EML4: variants seen among roughly 807,000 people sequenced by gnomAD.
EML4 encodes the protein echinoderm microtubule-associated protein-like 4.
A neutral mutation model predicts 129.0 loss-of-function variants in EML4; 72 were observed. That is an observed-to-expected ratio of 0.56 (90% CI 0.46 to 0.68). EML4 has a LOEUF of 0.68. EML4 is among the 30% of genes least tolerant of loss of function. EML4 has a pLI of 0.00. For synonymous variants in EML4, 532 were observed against 405.0 expected (o/e 1.31, Z -3.77); for missense variants, 1,363 against 1,190.6 (o/e 1.14, Z -2.13).
intron 21 of EML4, among the ~76,000 whole-genome samples, chr2:42,327,068 G>A (rs1669849212): frequency 6.6e-6 from 1 of 151,940 alleles, no homozygotes; most frequent in African/African-American, 2.4e-5. Flanking sequence ...TGCCTTTTCT[G>A]TATAGTTTAT....
At chr2:42,288,438 T>C (rs1318605130) in intron 11 of EML4, 116 bp downstream of exon 11, 11 of 478,688 alleles carry the variant, frequency 2.3e-5, no homozygotes, top group Non-Finnish European at 3.7e-5. Flanking sequence ...GCAGATCTAC[T>C]AGCCAAATTC....
At chr2:42,267,478 G>A (rs1431597940) in intron 6 of EML4, among the ~76,000 whole-genome samples, 1 of 152,262 alleles carries the variant, frequency 6.6e-6, no homozygotes, top group African/African-American at 2.4e-5. Flanking sequence ...AATGATAGCT[G>A]TGGCTTGTTC....
At chr2:42,310,596 T>G (rs1668885528) in intron 17 of EML4, among the ~76,000 whole-genome samples, 1 of 152,332 alleles carries the variant, frequency 6.6e-6, no homozygotes, top group Admixed American at 6.5e-5. Flanking sequence ...TCTGCTTGTC[T>G]CAGCCTCCCA....
intron 9 of EML4, among the ~76,000 whole-genome samples, chr2:42,285,334 A>C (rs1667231835): frequency 6.6e-6 from 1 of 152,154 alleles, no homozygotes; most frequent in East Asian, 1.9e-4. Context: ...GTGACTATTA[A>C]TGGTGACTGA....
chr2:42,241,963 A>AT (rs1297022029), intron 1 of EML4, among the ~76,000 whole-genome samples: 1 of 152,156 alleles, frequency 6.6e-6, no homozygotes, highest in East Asian at 1.9e-4. Flanking sequence ...CCTTTGAAAA[A>AT]TTGTTCTTGT....
rs1048366258 is a variant in EML4 at position 42,286,497 on chromosome 2, C to A, written c.1122+118C>A. Reference sequence around the variant, plus strand: ...TAATCCTGAGTTGAAAAATGAGATGCTAGCTATTGCTAACATATTAGCTAT... The same window carrying A: ...TAATCCTGAGTTGAAAAATGAGATGATAGCTATTGCTAACATATTAGCTAT... On this transcript the variant is annotated intron_variant, in intron 10 of 22. Coordinates refer to ENST00000318522, the MANE Select transcript of EML4 (RefSeq NM_019063.5). 7.5e-6 allele frequency: 5 copies of A among 666,326 alleles called. No homozygotes were observed. The South Asian group carries it at 8.6e-5, about 11-fold the overall frequency. The allele number at this position is 666,326 out of a possible 1,614,324, so 41.3% of individuals were successfully genotyped here.
At position 42,328,874 on chromosome 2, in the gene EML4, TC is replaced by T; in HGVS notation, c.2342-10del. On this transcript the variant is annotated splice_polypyrimidine_tract_variant and intron_variant, in intron 21 of 22. Transcript: ENST00000318522. ...GCTAATTTTTCTGCATCCCTGTGTTTCCATATCAAAGGTGTCTGGCCAGAAG... is the reference window on the plus strand; with the variant it reads ...GCTAATTTTTCTGCATCCCTGTGTTTCATATCAAAGGTGTCTGGCCAGAAG... The T allele has an allele frequency of 6.3e-7, 1 of 1,580,800 alleles. No individual in the cohort carries two copies. Among genetic ancestry groups the T allele is most frequent in the Non-Finnish European group, 8.6e-7 (1 of 1,161,464 alleles).
chr2:42,220,689 AG>A (rs1558513481), intron 1 of EML4, among the ~76,000 whole-genome samples: 1 of 152,204 alleles, frequency 6.6e-6, no homozygotes. Flanking sequence ...GATGAAGCTT[AG>A]ATGAAGAAGG....
At chr2:42,306,484 CTTTTTTT>C (rs375707062) in intron 17 of EML4, among the ~76,000 whole-genome samples, 16,259 of 74,044 alleles carry the variant, frequency 0.22, 1,359 homozygotes, top group African/African-American at 0.36. Flanking sequence ...GTGCTAAATC[CTTTTTTT>C]TTTTTTTTTT....
chr2:42,293,182 C>T (rs1030761548), intron 11 of EML4, among the ~76,000 whole-genome samples: 1 of 151,844 alleles, frequency 6.6e-6, no homozygotes, highest in Non-Finnish European at 1.5e-5. Flanking sequence ...AATCACAGCT[C>T]ACTGCAACCT....
chr2:42,222,849 A>G (rs2104122460), intron 1 of EML4, among the ~76,000 whole-genome samples: 1 of 152,116 alleles, frequency 6.6e-6, no homozygotes, highest in East Asian at 1.9e-4. Context: ...CCTAGGCTGG[A>G]GTGCAATGGT....
chr2:42,222,295 G>A (rs947584184), intron 1 of EML4, among the ~76,000 whole-genome samples: 3 of 151,806 alleles, frequency 2.0e-5, no homozygotes, highest in Non-Finnish European at 2.9e-5. Context: ...TTTCCATATC[G>A]GGTTGACAAA....
intron 2 of EML4, among the ~76,000 whole-genome samples, chr2:42,252,588 G>C (rs564745149): frequency 6.6e-6 from 1 of 152,082 alleles, no homozygotes; most frequent in African/African-American, 2.4e-5. Context: ...TCCTCTCTGT[G>C]AACTATCCCC....
intron 1 of EML4, among the ~76,000 whole-genome samples, chr2:42,181,982 A>G (rs1670971065): frequency 6.6e-6 from 1 of 152,168 alleles, no homozygotes; most frequent in Admixed American, 6.5e-5. Flanking sequence ...CTATATTTTT[A>G]CAACAGCGTA....
At chr2:42,297,822 A>G (rs886777155) in intron 13 of EML4, among the ~76,000 whole-genome samples, 4 of 152,178 alleles carry the variant, frequency 2.6e-5, no homozygotes, top group South Asian at 4.1e-4. Flanking sequence ...TAATTTCACA[A>G]CTAATCCTTT....
chr2:42,219,419 A>G (rs1299925996), intron 1 of EML4, among the ~76,000 whole-genome samples: 4 of 152,192 alleles, frequency 2.6e-5, no homozygotes, highest in Admixed American at 2.6e-4. Context: ...ACCCTCCTGC[A>G]TGTCTGAGGG....
intron 1 of EML4, among the ~76,000 whole-genome samples, chr2:42,205,589 TAAATG>T (rs546461581): frequency 6.6e-6 from 1 of 152,296 alleles, no homozygotes; most frequent in East Asian, 1.9e-4. Context: ...AGTAGGCACT[TAAATG>T]AAGGAAGTGG....
intron 1 of EML4, among the ~76,000 whole-genome samples, chr2:42,225,245 C>CT (rs757388886): frequency 6.6e-6 from 1 of 152,026 alleles, no homozygotes; most frequent in African/African-American, 2.4e-5. Context: ...TGAGTCCACA[C>CT]TTTCGGTTCT....
At chr2:42,221,800 C>T (rs575929561) in intron 1 of EML4, among the ~76,000 whole-genome samples, 3 of 151,908 alleles carry the variant, frequency 2.0e-5, no homozygotes, top group South Asian at 4.2e-4. Flanking sequence ...GACAAGGTTT[C>T]GTCGTGTTGG....
Sources: gnomAD v4.1 joint callset for allele counts (sites outside exome capture counted in the v4.1 genomes callset) on GRCh38, gnomAD v4.1.1 for gene constraint, MANE v1.5 for transcripts, NCBI Gene and HGNC (gene_info 2026-07-23, HGNC 2026-07-21) for gene names.